SYNPO2: variants seen among roughly 807,000 people sequenced by gnomAD.
SYNPO2 encodes synaptopodin 2, also known as synaptopodin-2.
In SYNPO2, 56 loss-of-function variants were observed where a neutral mutation model predicts 85.0. The observed-to-expected ratio is 0.66, with a 90% CI of 0.53 to 0.82. The LOEUF (loss-of-function observed/expected upper bound fraction) is 0.82, where lower values mean the gene tolerates loss of function less well. Among genes scored for constraint, SYNPO2 ranks in the 40% least tolerant of loss-of-function variants. SYNPO2 has a pLI of 0.00. For synonymous variants in SYNPO2, 602 were observed against 591.1 expected, an observed-to-expected ratio of 1.02 and a Z score of -0.27; for missense variants, 1,575 against 1,534.2, an observed-to-expected ratio of 1.03 and a Z score of -0.44.
At chr4:118,949,407 G>GA (rs1328077331) in intron 1 of SYNPO2, among the ~76,000 whole-genome samples, 1 of 152,076 alleles carries the variant, frequency 6.6e-6, no homozygotes, top group Non-Finnish European at 1.5e-5. Flanking sequence ...AAATCTAGTT[G>GA]AATGCTCTTG....
intron 1 of SYNPO2, among the ~76,000 whole-genome samples, chr4:118,938,038 C>T (rs1184307022): frequency 3.9e-5 from 6 of 152,142 alleles, no homozygotes; most frequent in African/African-American, 1.4e-4. Flanking sequence ...CACGGTGGCT[C>T]ACACCTGTAA....
chr4:118,953,878 A>G (rs536001813), intron 1 of SYNPO2, among the ~76,000 whole-genome samples: 2 of 152,290 alleles, frequency 1.3e-5, no homozygotes, highest in South Asian at 4.1e-4. Flanking sequence ...CTCTCTAACA[A>G]ACTGGACCCT....
chr4:118,937,779 A>G (rs1734158800), intron 1 of SYNPO2, among the ~76,000 whole-genome samples: 1 of 152,244 alleles, frequency 6.6e-6, no homozygotes. Context: ...TGTTCAATCT[A>G]TAATGGTTAT....
At chr4:119,054,444 AG>A (rs1739147306) in intron 4 of SYNPO2, among the ~76,000 whole-genome samples, 1 of 152,138 alleles carries the variant, frequency 6.6e-6, no homozygotes, top group African/African-American at 2.4e-5. Flanking sequence ...AGACAACTGA[AG>A]GGCAGAGAAT....
intron 1 of SYNPO2, among the ~76,000 whole-genome samples, chr4:118,852,447 T>C (rs1204482794): frequency 6.6e-6 from 1 of 152,174 alleles, no homozygotes; most frequent in African/African-American, 2.4e-5. Flanking sequence ...GTATTCGCAA[T>C]AGCAAAGACA....
At chr4:118,892,836 A>C (rs1298450617) in intron 1 of SYNPO2, among the ~76,000 whole-genome samples, 1 of 152,130 alleles carries the variant, frequency 6.6e-6, no homozygotes, top group Non-Finnish European at 1.5e-5. Flanking sequence ...ATAATCCTTC[A>C]TTTCATAAGG....
chr4:118,900,663 T>TTCTCTCTCTCTC (rs376467151), intron 1 of SYNPO2, among the ~76,000 whole-genome samples: 40 of 77,548 alleles, frequency 5.2e-4, no homozygotes, highest in African/African-American at 1.1e-3. Flanking sequence ...TAGAATCTCT[T>TTCTCTCTCTCTC]TCTCTCTCTC....
intron 1 of SYNPO2, among the ~76,000 whole-genome samples, chr4:118,940,354 G>T (rs991076757): frequency 5.3e-5 from 8 of 152,090 alleles, no homozygotes; most frequent in Admixed American, 5.2e-4. Context: ...TTCTAGTTCT[G>T]TCTTCTCTCC....
chr4:119,055,433 G>A (rs1451688566), intron 4 of SYNPO2, among the ~76,000 whole-genome samples: 1 of 152,172 alleles, frequency 6.6e-6, no homozygotes, highest in East Asian at 1.9e-4. Flanking sequence ...GGGATTACAG[G>A]CGTGAGCCAC....
chr4:119,013,622 T>C (rs181898405), intron 1 of SYNPO2, among the ~76,000 whole-genome samples: 1 of 152,326 alleles, frequency 6.6e-6, no homozygotes, highest in African/African-American at 2.4e-5. Context: ...AACTAAAATT[T>C]TGAGAAACTC....
At position 119,027,039 on chromosome 4, in the gene SYNPO2, T is replaced by C. The variant is rs375756379; in HGVS notation, c.670T>C (p.Ser224Pro). The C allele has an allele frequency of 2.5e-6, 4 of 1,613,782 alleles. No individual in the cohort carries two copies. In the African/African-American group the frequency reaches 4.0e-5, roughly 16 times the overall value. The change falls in exon 3 of 5, where the codon TCT becomes CCT. Residue 224 changes from serine to proline, a missense_variant. By Grantham distance (74) the Ser-to-Pro change is moderately conservative (BLOSUM62 -1). Transcript: ENST00000307142. Reference protein sequence around the residue: ...PLVALPGAEKSKSPDPDPNLS... With the variant: ...PLVALPGAEKPKSPDPDPNLS... The stretch of plus-strand genomic sequence containing the variant: ...AGTGGCTCTCCCGGGAGCTGAAAAA[T>C]CTAAGTCTCCTGACCCAGACCCTAA...
At chr4:118,918,559 T>A (rs1733432924) in intron 1 of SYNPO2, among the ~76,000 whole-genome samples, 1 of 152,194 alleles carries the variant, frequency 6.6e-6, no homozygotes, top group South Asian at 2.1e-4. Flanking sequence ...CTGGGAATAG[T>A]TCTCCTCTGA....
At chr4:118,853,435 A>G in intron 1 of SYNPO2, among the ~76,000 whole-genome samples, 3 of 152,122 alleles carry the variant, frequency 2.0e-5, no homozygotes. Context: ...AAATGTCGGC[A>G]TGAATTTGAT....
chr4:119,012,392 T>TTTTA (rs1737349379), intron 1 of SYNPO2, among the ~76,000 whole-genome samples: 2 of 123,778 alleles, frequency 1.6e-5, no homozygotes, highest in Non-Finnish European at 1.8e-5. Flanking sequence ...TTTTTTTTTT[T>TTTTA]TATTTTACTT....
At chr4:118,990,290 A>G (rs1736365723) in intron 1 of SYNPO2, among the ~76,000 whole-genome samples, 1 of 152,212 alleles carries the variant, frequency 6.6e-6, no homozygotes, top group Non-Finnish European at 1.5e-5. Context: ...TCTCACAAAG[A>G]AACGTGCAGT....
At chr4:119,049,286 G>C (rs1449558459) in intron 4 of SYNPO2, among the ~76,000 whole-genome samples, 1 of 152,166 alleles carries the variant, frequency 6.6e-6, no homozygotes, top group African/African-American at 2.4e-5. Flanking sequence ...GATTAAAAAG[G>C]CAAAAGAAAT....
chr4:119,027,310 G>A lies in SYNPO2; in HGVS notation c.941G>A (p.Gly314Glu). Residue 314 changes from glycine to glutamate, a missense_variant, in exon 3 of 5, where the codon GGA becomes GAA. By Grantham distance (98) the Gly-to-Glu change is moderately conservative. Coordinates refer to ENST00000307142, the MANE Select transcript of SYNPO2 (RefSeq NM_133477.3). ...GAGTGTGTGGATTCTCCAGTGGAAG[G>A]AGGGCAGTCAGAAGCACCTCCTTCT... ...GKECVDSPVE[G>E]GQSEAPPSLV... 1 of 1,614,132 alleles carries A rather than the reference G, an allele frequency of 6.2e-7. No individual in the cohort carries two copies. The highest frequency in any genetic ancestry group is 2.2e-5 in the East Asian group (1 of 44,864).
upstream of SYNPO2, among the ~76,000 whole-genome samples, chr4:118,886,677 C>A (rs549752314): frequency 1.3e-5 from 2 of 152,272 alleles, no homozygotes; most frequent in South Asian, 4.1e-4. Context: ...GGGTTGGTTC[C>A]AAGTCTTTGC....
intron 1 of SYNPO2, among the ~76,000 whole-genome samples, chr4:118,902,864 C>T (rs1393640102): frequency 6.6e-6 from 1 of 152,006 alleles, no homozygotes; most frequent in Non-Finnish European, 1.5e-5. Context: ...CCATGTTTAA[C>T]CTTGACACCA....
Sources: allele counts gnomAD v4.1 joint callset (sites outside exome capture counted in the v4.1 genomes callset), GRCh38; gene constraint gnomAD v4.1.1; transcripts MANE v1.5; gene names NCBI Gene and HGNC (gene_info 2026-07-23, HGNC 2026-07-21).